Variants in ACVR1C observed in about 807,000 individuals in gnomAD.
ACVR1C encodes activin A receptor type 1C.
In ACVR1C, 23 loss-of-function variants were observed where a neutral mutation model predicts 57.9. The ratio of observed to expected loss-of-function variants is 0.40; its 90% confidence interval spans 0.29 to 0.56. The LOEUF (loss-of-function observed/expected upper bound fraction) is 0.56, where lower values mean the gene tolerates loss of function less well. Among genes scored for constraint, ACVR1C ranks in the 20% least tolerant of loss-of-function variants. The probability of loss-of-function intolerance (pLI) is 0.50; values close to 1 mark genes in which losing one functional copy is unlikely to be tolerated. For synonymous variants in ACVR1C, 214 were observed against 215.3 expected, an observed-to-expected ratio of 0.99 and a Z score of 0.05; for missense variants, 480 against 607.9, an observed-to-expected ratio of 0.79 and a Z score of 2.21.
intron 1 of ACVR1C, among the ~76,000 whole-genome samples, chr2:157,623,133 A>T (rs1051091602): frequency 1.3e-5 from 2 of 152,210 alleles, no homozygotes; most frequent in Non-Finnish European, 2.9e-5. Context: ...ATGTGGAAAA[A>T]AGCGAACATT....
At chr2:157,534,187 T>C (rs1687426553) in intron 8 of ACVR1C, 144 bp from the exon 9 acceptor site, 4 of 621,142 alleles carry the variant, frequency 6.4e-6, no homozygotes, top group Non-Finnish European at 9.6e-6. Context: ...TTCCCCAGGC[T>C]GGAGTACAAT....
At chr2:157,613,411 T>G (rs1682574611) in intron 1 of ACVR1C, among the ~76,000 whole-genome samples, 1 of 152,278 alleles carries the variant, frequency 6.6e-6, no homozygotes, top group East Asian at 1.9e-4. Context: ...GGTTTTTTAT[T>G]TGCATTATTT....
chr2:157,554,990 C>T (rs573548037), intron 3 of ACVR1C, among the ~76,000 whole-genome samples: 3 of 151,600 alleles, frequency 2.0e-5, no homozygotes, highest in African/African-American at 4.8e-5. Context: ...CGCCAACCTC[C>T]TGCCAAAAGA....
At chr2:157,610,410 CT>C (rs1682506654) in intron 1 of ACVR1C, among the ~76,000 whole-genome samples, 1 of 152,064 alleles carries the variant, frequency 6.6e-6, no homozygotes, top group Non-Finnish European at 1.5e-5. Flanking sequence ...AAAATTCAGC[CT>C]TTAAAAAGAT....
intron 3 of ACVR1C, among the ~76,000 whole-genome samples, chr2:157,554,486 T>G (rs1688041750): frequency 6.6e-6 from 1 of 152,008 alleles, no homozygotes; most frequent in Non-Finnish European, 1.5e-5. Flanking sequence ...TAAATTCTGG[T>G]TTTTAAAACT....
chr2:157,573,054 C>A (rs1688561026), intron 2 of ACVR1C, among the ~76,000 whole-genome samples: 1 of 152,102 alleles, frequency 6.6e-6, no homozygotes. Context: ...ACGAAAATAG[C>A]AAGACTTTTA....
chr2:157,562,707 A>G (rs538854626), intron 2 of ACVR1C, among the ~76,000 whole-genome samples: 19 of 152,208 alleles, frequency 1.2e-4, no homozygotes, highest in East Asian at 1.9e-4. Context: ...ATGAACATCA[A>G]TGCAAAAATC....
chr2:157,613,409 A>G (rs1427055568), intron 1 of ACVR1C, among the ~76,000 whole-genome samples: 1 of 151,638 alleles, frequency 6.6e-6, no homozygotes, highest in African/African-American at 2.4e-5. Flanking sequence ...TTGGTTTTTT[A>G]TTTGCATTAT....
intron 3 of ACVR1C, among the ~76,000 whole-genome samples, chr2:157,555,768 A>T (rs1688084900): frequency 6.6e-6 from 1 of 152,232 alleles, no homozygotes; most frequent in Admixed American, 6.5e-5. Flanking sequence ...ACAAAGCAAC[A>T]GTGATTGTTA....
chr2:157,612,053 A>T (rs1253865038), intron 1 of ACVR1C, among the ~76,000 whole-genome samples: 1 of 152,144 alleles, frequency 6.6e-6, no homozygotes, highest in Non-Finnish European at 1.5e-5. Context: ...ACACTTTGTC[A>T]ATAGCAGTGG....
rs72927452 is a variant in ACVR1C, at chr2:157,617,085, G to A, written c.73+11487C>T. On this transcript the variant is annotated intron_variant, in intron 1 of 8. Transcript: ENST00000243349. ...GGATGCACTTTCCTTATAAAGACACGATAGAAAGGAAAGGAAAGGGAAAAA... is the reference window on the plus strand; with the variant it reads ...GGATGCACTTTCCTTATAAAGACACAATAGAAAGGAAAGGAAAGGGAAAAA... 8.0e-3 allele frequency among the ~76,000 whole-genome samples: 1,208 copies of A among 151,924 alleles called. 5 individuals carry two copies. The highest frequency in any genetic ancestry group is 0.013 in the Non-Finnish European group (868 of 67,858).
intron 2 of ACVR1C, among the ~76,000 whole-genome samples, chr2:157,579,281 C>T (rs1688731127): frequency 6.6e-6 from 1 of 152,102 alleles, no homozygotes; most frequent in Non-Finnish European, 1.5e-5. Flanking sequence ...CTTTCACTTT[C>T]CTCTATTTGT....
intron 1 of ACVR1C, chr2:157,597,589 C>T (rs529035331): frequency 8.1e-6 from 8 of 985,110 alleles, no homozygotes; most frequent in African/African-American, 1.7e-5. Flanking sequence ...GACGGCTTCC[C>T]GGCGCACCCG....
At chr2:157,619,920 T>C (rs1020536617) in intron 1 of ACVR1C, among the ~76,000 whole-genome samples, 1 of 151,970 alleles carries the variant, frequency 6.6e-6, no homozygotes, top group African/African-American at 2.4e-5. Context: ...ACTACAAATC[T>C]TACAAATATT....
chr2:157,544,973 A>G (rs1412083224), intron 4 of ACVR1C, among the ~76,000 whole-genome samples: 1 of 152,176 alleles, frequency 6.6e-6, no homozygotes, highest in Admixed American at 6.5e-5. Context: ...GTTATAAACT[A>G]CTCTGAGCTT....
At chr2:157,607,264 CT>C (rs1164984806) in intron 1 of ACVR1C, among the ~76,000 whole-genome samples, 3 of 151,800 alleles carry the variant, frequency 2.0e-5, no homozygotes, top group Non-Finnish European at 3.0e-5. Context: ...CAGCTTTGCT[CT>C]TTTTGCTTAG....
intron 2 of ACVR1C, among the ~76,000 whole-genome samples, chr2:157,556,657 C>CTTTTT (rs1169628343): frequency 1.1e-3 from 96 of 87,888 alleles, no homozygotes; most frequent in Non-Finnish European, 1.1e-3. Flanking sequence ...CAGCAGTACA[C>CTTTTT]TTTTTTTTTT....
intron 2 of ACVR1C, among the ~76,000 whole-genome samples, chr2:157,582,425 T>C (rs747831252): frequency 1.7e-4 from 26 of 152,196 alleles, no homozygotes; most frequent in Non-Finnish European, 3.7e-4. Context: ...AACCAATTAA[T>C]GCAATCCATC....
Position 157,628,661 on chromosome 2 carries a change from C to A in ACVR1C, c.-17G>T, listed in dbSNP as rs1263714097. The A allele has an allele frequency of 6.4e-7, 1 of 1,554,144 alleles. No individual in the cohort carries two copies. On this transcript the variant is annotated 5_prime_UTR_variant, in exon 1 of 9. Coordinates refer to ENST00000243349, the MANE Select transcript of ACVR1C (RefSeq NM_145259.3). ...CCGGGTCATCGCCACCAGGCGGCCG[C>A]GCCGGGGCTGCGAGGCCCCAGAGCA...
Sources: gnomAD v4.1 joint callset for allele counts (sites outside exome capture counted in the v4.1 genomes callset) on GRCh38, gnomAD v4.1.1 for gene constraint, MANE v1.5 for transcripts, NCBI Gene and HGNC (gene_info 2026-07-23, HGNC 2026-07-21) for gene names.